KCNC1: variants seen among roughly 807,000 people sequenced by gnomAD.
KCNC1 encodes potassium voltage-gated channel subfamily C member 1.
In KCNC1, 8 loss-of-function variants were observed where a neutral mutation model predicts 43.4. That is an observed-to-expected ratio of 0.18 (90% CI 0.11 to 0.33). The LOEUF (loss-of-function observed/expected upper bound fraction) is 0.33. KCNC1 is among the 10% of genes least tolerant of loss of function. KCNC1 has a pLI of 1.00. For synonymous variants in KCNC1, 361 were observed against 360.5 expected (o/e 1.00, Z -0.01); for missense variants, 420 against 836.0 (o/e 0.50, Z 6.14).
intron 1 of KCNC1, among the ~76,000 whole-genome samples, chr11:17,753,075 A>T (rs974666566): frequency 1.3e-5 from 2 of 152,220 alleles, no homozygotes; most frequent in Non-Finnish European, 2.9e-5. Context: ...CCCTCCGTTG[A>T]CTTGCATGCA....
intron 2 of KCNC1, chr11:17,775,281 T>TTCCCACCCCCCCCC: frequency 1.1e-6 from 1 of 935,836 alleles, no homozygotes; most frequent in Non-Finnish European, 1.3e-6. Context: ...TCTGAGGGCA[T>TTCCCACCCCCCCCC]CCCTCCCGCC....
rs774894044 is a variant in KCNC1, at chr11:17,781,828, G to T, written c.*94G>T. On this transcript the variant is annotated 3_prime_UTR_variant, in exon 4 of 4. Coordinates refer to ENST00000265969, the MANE Select transcript of KCNC1 (RefSeq NM_001112741.2). This position sits in a 1 kb window ranked among gnomAD's most constrained non-coding sequence, Gnocchi z 5.1. Reference sequence around the variant, plus strand: ...CTCGGACAGAGTAAATTCACGCCATGCAGGTTTGCCGGACGAGTCCGAGTG... The same window carrying T: ...CTCGGACAGAGTAAATTCACGCCATTCAGGTTTGCCGGACGAGTCCGAGTG... 55 of 903,198 alleles carry T rather than the reference G, an allele frequency of 6.1e-5. No individual in the cohort carries two copies. Among genetic ancestry groups the T allele is most frequent in the Admixed American group, 1.9e-4 (9 of 46,850 alleles). The allele number at this position is 903,198 out of a possible 1,614,324, so 55.9% of individuals were successfully genotyped here. A position where few individuals can be genotyped will look rare whatever the true frequency, so the allele number is the denominator to read the frequency against.
Position 17,739,925 on chromosome 11 carries a change from T to C in KCNC1, c.570+3353T>C, listed in dbSNP as rs1213564231. Among the ~76,000 whole-genome samples the C allele has an allele frequency of 1.3e-5, 2 of 152,062 alleles. No homozygotes were observed. Among genetic ancestry groups the C allele is most frequent in the Non-Finnish European group, 2.9e-5 (2 of 67,988 alleles). On this transcript the variant is annotated intron_variant, in intron 1 of 3. Coordinates refer to ENST00000265969, the MANE Select transcript of KCNC1 (RefSeq NM_001112741.2). This position sits in a 1 kb window ranked among gnomAD's most constrained non-coding sequence, Gnocchi z 4.2. ...GTGTGTGTGCTTGAGGAAGATGAGA[T>C]TCCAGAGCTGCTTCCTGCCCACTGC...
At chr11:17,750,370 A>G (rs1042814930) in intron 1 of KCNC1, among the ~76,000 whole-genome samples, 5 of 152,182 alleles carry the variant, frequency 3.3e-5, no homozygotes, top group African/African-American at 1.2e-4. Context: ...CAGGGCCAGG[A>G]GCCACCATCA....
rs1849291888 is a variant in KCNC1 at position 17,776,705 on chromosome 11, G to A, written c.1505-2751G>A. Reference sequence around the variant, plus strand: ...AGCCTCTGGAAAGCAGGTGGGAATGGAGGCTCCTAGCCACTATCTCATCCA... The same window carrying A: ...AGCCTCTGGAAAGCAGGTGGGAATGAAGGCTCCTAGCCACTATCTCATCCA... On this transcript the variant is annotated intron_variant, in intron 2 of 3. Transcript: ENST00000265969. The surrounding 1 kb of genome is among the most constrained non-coding windows in gnomAD (Gnocchi z 4.4). The A allele has an allele frequency of 1.0e-6, 1 of 985,250 alleles. No individual in the cohort carries two copies. The highest frequency in any genetic ancestry group is 1.2e-6 in the Non-Finnish European group (1 of 829,972). 61.0% of individuals were successfully genotyped at this position (985,250 alleles called of 1,614,324 possible). A position where few individuals can be genotyped will look rare whatever the true frequency, so the allele number is the denominator to read the frequency against.
In KCNC1 at chr11:17,773,120, A is replaced by C. The variant is rs1849249693; in HGVS notation, c.1504+522A>C. On this transcript the variant is annotated intron_variant, in intron 2 of 3. Transcript: ENST00000265969. The surrounding 1 kb of genome is among the most constrained non-coding windows in gnomAD (Gnocchi z 4.1). ...TGCAAAGGCAGGTGCAAGGGTTCTCACCCCCGGCAGAGCCTGTCTCCATAG... is the reference window on the plus strand; with the variant it reads ...TGCAAAGGCAGGTGCAAGGGTTCTCCCCCCCGGCAGAGCCTGTCTCCATAG... 8.1e-6 allele frequency: 8 copies of C among 989,418 alleles called. No individual in the cohort carries two copies. In the South Asian group the frequency reaches 3.7e-4, roughly 46 times the overall value. 61.3% of individuals were successfully genotyped at this position (989,418 alleles called of 1,614,324 possible).
At position 17,776,766 on chromosome 11, in the gene KCNC1, C is replaced by A; in HGVS notation, c.1505-2690C>A. Reference sequence around the variant, plus strand: ...CAGGGGCGGGGGCTCACACCTTTGACCCTATTCATGGGTTCCCCAGATTTA... The same window carrying A: ...CAGGGGCGGGGGCTCACACCTTTGAACCTATTCATGGGTTCCCCAGATTTA... On this transcript the variant is annotated intron_variant, in intron 2 of 3. Transcript: ENST00000265969. This position sits in a 1 kb window ranked among gnomAD's most constrained non-coding sequence, Gnocchi z 4.4. The A allele has an allele frequency of 2.0e-6, 2 of 984,832 alleles. No homozygotes were observed. Among genetic ancestry groups the A allele is most frequent in the Non-Finnish European group, 2.4e-6 (2 of 829,800 alleles). 61.0% of individuals were successfully genotyped at this position (984,832 alleles called of 1,614,324 possible). A position where few individuals can be genotyped will look rare whatever the true frequency, so the allele number is the denominator to read the frequency against.
intron 1 of KCNC1, among the ~76,000 whole-genome samples, chr11:17,762,014 G>GCCCC (rs1565159564): frequency 6.6e-6 from 1 of 152,150 alleles, no homozygotes; most frequent in Non-Finnish European, 1.5e-5. Context: ...CATGGGTTTA[G>GCCCC]CCCCCACCAG....
chr11:17,772,346 G>A lies in KCNC1; in HGVS notation c.1252G>A (p.Ala418Thr). The A allele has an allele frequency of 6.2e-7, 1 of 1,614,174 alleles. No homozygotes were observed. The part of the protein sequence containing the change: ...PQTWSGMLVG[A>T]LCALAGVLTI... ...GACGTGGTCCGGCATGCTGGTGGGG[G>A]CTCTGTGTGCGCTGGCGGGCGTGCT... The change falls in exon 2 of 4, where the codon GCT becomes ACT. Residue 418 changes from alanine to threonine, a missense_variant. Coordinates refer to ENST00000265969, the MANE Select transcript of KCNC1 (RefSeq NM_001112741.2).
At chr11:17,741,656 C>T (rs966606462) in intron 1 of KCNC1, among the ~76,000 whole-genome samples, 6 of 152,196 alleles carry the variant, frequency 3.9e-5, no homozygotes, top group African/African-American at 1.4e-4. Context: ...CTGCTTAGAA[C>T]CCTTCAGTGC....
At chr11:17,752,053 C>T (rs1272823842) in intron 1 of KCNC1, among the ~76,000 whole-genome samples, 1 of 152,184 alleles carries the variant, frequency 6.6e-6, no homozygotes, top group Non-Finnish European at 1.5e-5. Flanking sequence ...ATCTTCCCAC[C>T]GCTTTTTGCT....
intron 1 of KCNC1, among the ~76,000 whole-genome samples, chr11:17,763,270 C>G (rs1849098487): frequency 1.3e-5 from 2 of 151,938 alleles, no homozygotes; most frequent in South Asian, 4.1e-4. Context: ...GCCGGCTCAG[C>G]CCCCCACCCT....
At chr11:17,741,772 C>G (rs1337457713) in intron 1 of KCNC1, among the ~76,000 whole-genome samples, 1 of 152,258 alleles carries the variant, frequency 6.6e-6, no homozygotes, top group Non-Finnish European at 1.5e-5. Context: ...ACCACCCAGC[C>G]TCGTTTCAGC....
At chr11:17,749,557 A>G (rs757513) in intron 1 of KCNC1, among the ~76,000 whole-genome samples, 135,752 of 152,274 alleles carry the variant, frequency 0.89, 60,569 homozygotes, top group East Asian at 1. Context: ...ACAGCCACCC[A>G]CCAGGGCCAG....
chr11:17,770,265 G>T (rs1200969710), intron 1 of KCNC1, among the ~76,000 whole-genome samples: 2 of 152,262 alleles, frequency 1.3e-5, no homozygotes, highest in African/African-American at 4.8e-5. Context: ...GAGAACAAAG[G>T]TGTCACGCCT....
chr11:17,745,552 C>T (rs539104900), intron 1 of KCNC1, among the ~76,000 whole-genome samples: 3 of 152,148 alleles, frequency 2.0e-5, no homozygotes, highest in Non-Finnish European at 2.9e-5. Flanking sequence ...AAAGTGCTAT[C>T]GGACCAAGTC....
In KCNC1 at chr11:17,773,158, C is replaced by T. The variant is rs1234938660; in HGVS notation, c.1504+560C>T. 1.0e-6 allele frequency: 1 copy of T among 987,032 alleles called. No individual in the cohort carries two copies. The highest frequency in any genetic ancestry group is 1.2e-6 in the Non-Finnish European group (1 of 831,170). 61.1% of individuals were successfully genotyped at this position (987,032 alleles called of 1,614,324 possible). ...CCTGTCTCCATAGCTGAGTAGAATT[C>T]CTGCCCTGATTTCGGGCTGCCCAGC... On this transcript the variant is annotated intron_variant, in intron 2 of 3. Coordinates refer to ENST00000265969, the MANE Select transcript of KCNC1 (RefSeq NM_001112741.2). This position sits in a 1 kb window ranked among gnomAD's most constrained non-coding sequence, Gnocchi z 4.1.
intron 1 of KCNC1, among the ~76,000 whole-genome samples, chr11:17,765,637 A>G (rs1849140383): frequency 6.6e-6 from 1 of 152,188 alleles, no homozygotes; most frequent in Admixed American, 6.5e-5. Flanking sequence ...GGGGAGAAAA[A>G]GGCCAGAAAC....
At position 17,779,668 on chromosome 11, in the gene KCNC1, C is replaced by T. The variant is rs1441541074; in HGVS notation, c.1693+24C>T. The T allele has an allele frequency of 4.5e-5, 67 of 1,482,246 alleles. No individual in the cohort carries two copies. The highest frequency in any genetic ancestry group is 1.4e-4 in the Admixed American group (6 of 42,056). The allele number at this position is 1,482,246 out of a possible 1,614,324, so 91.8% of individuals were successfully genotyped here. A position where few individuals can be genotyped will look rare whatever the true frequency, so the allele number is the denominator to read the frequency against. On this transcript the variant is annotated intron_variant, in intron 3 of 3. Coordinates refer to ENST00000265969, the MANE Select transcript of KCNC1 (RefSeq NM_001112741.2). The surrounding 1 kb of genome is among the most constrained non-coding windows in gnomAD (Gnocchi z 7.2). ...GGGTATGTAGAGGAAGCTGGAGCAC[C>T]GTGCATCGTCCGGGCCGCCTCGCGC...
Sources: allele counts gnomAD v4.1 joint callset (sites outside exome capture counted in the v4.1 genomes callset), GRCh38; gene constraint gnomAD v4.1.1; non-coding constraint Gnocchi (gnomAD v3.1); transcripts MANE v1.5; gene names NCBI Gene and HGNC (gene_info 2026-07-23, HGNC 2026-07-21).